The following ARHGEF38 variants were observed in gnomAD, a reference collection of about 807,000 sequenced individuals.
The protein encoded by ARHGEF38 is Rho guanine nucleotide exchange factor (GEF) 38.
Under a neutral mutation model 79.9 loss-of-function variants are expected in ARHGEF38, and 79 were observed. The observed-to-expected ratio is 0.99, with a 90% CI of 0.82 to 1.19. The LOEUF (loss-of-function observed/expected upper bound fraction) is 1.19. ARHGEF38 is among the 50% of genes most tolerant of loss of function. The pLI is 0.00. For synonymous variants in ARHGEF38, 366 were observed against 328.3 expected, an observed-to-expected ratio of 1.11 and a Z score of -1.24; for missense variants, 962 against 907.2, an observed-to-expected ratio of 1.06 and a Z score of -0.78.
chr4:105,596,161 G>C (rs1727568861), intron 2 of ARHGEF38, among the ~76,000 whole-genome samples: 1 of 152,190 alleles, frequency 6.6e-6, no homozygotes, highest in South Asian at 2.1e-4. Context: ...TGTCAGGATG[G>C]TGGGGAGTAT....
At chr4:105,597,173 CA>C (rs1224603193) in intron 2 of ARHGEF38, among the ~76,000 whole-genome samples, 2 of 151,918 alleles carry the variant, frequency 1.3e-5, no homozygotes, top group African/African-American at 4.8e-5. Flanking sequence ...AGGACCAAGG[CA>C]AAAATATTTT....
rs189458754 is a variant in ARHGEF38, at chr4:105,589,537, C to G, written c.384+102C>G. The G allele has an allele frequency of 5.7e-6, 6 of 1,047,706 alleles. No individual in the cohort carries two copies. In the African/African-American group the frequency reaches 8.1e-5, roughly 14 times the overall value. 64.9% of individuals were successfully genotyped at this position (1,047,706 alleles called of 1,614,324 possible). A position where few individuals can be genotyped will look rare whatever the true frequency, so the allele number is the denominator to read the frequency against. On this transcript the variant is annotated intron_variant, in intron 2 of 13. Transcript: ENST00000420470. Reference sequence around the variant, plus strand: ...CAGGTGTATCAATGGGATGATGTGCCTTTCTCCCCAAAACAGCACTGTTCT... The same window carrying G: ...CAGGTGTATCAATGGGATGATGTGCGTTTCTCCCCAAAACAGCACTGTTCT...
At chr4:105,561,439 A>AATG (rs1560684419) in intron 1 of ARHGEF38, among the ~76,000 whole-genome samples, 42 of 44,664 alleles carry the variant, frequency 9.4e-4, no homozygotes, top group African/African-American at 1.8e-3. Flanking sequence ...AGAATAGAAT[A>AATG]GAATAGAATG....
chr4:105,648,844 C>CTT (rs1236129273), intron 7 of ARHGEF38, among the ~76,000 whole-genome samples, 162 bp downstream of exon 7: 3 of 150,210 alleles, frequency 2.0e-5, no homozygotes, highest in African/African-American at 7.5e-5. Context: ...CTCTCTCTCT[C>CTT]TCTTTCTCTC....
chr4:105,594,058 A>G (rs1371158044), intron 2 of ARHGEF38, among the ~76,000 whole-genome samples: 1 of 152,106 alleles, frequency 6.6e-6, no homozygotes, highest in Admixed American at 6.5e-5. Context: ...TGCCTTCCTC[A>G]TTGTGGACTT....
chr4:105,590,848 T>G (rs2110460049), intron 2 of ARHGEF38, among the ~76,000 whole-genome samples: 1 of 152,322 alleles, frequency 6.6e-6, no homozygotes, highest in South Asian at 2.1e-4. Flanking sequence ...TTTTGATTCC[T>G]TCTGATAAAT....
chr4:105,571,346 G>C (rs1236809194), intron 1 of ARHGEF38, among the ~76,000 whole-genome samples: 1 of 136,814 alleles, frequency 7.3e-6, no homozygotes, highest in Admixed American at 7.7e-5. Context: ...TTTTTGAGAC[G>C]GAGTCTCACT....
chr4:105,639,676 C>T (rs1729541700), intron 5 of ARHGEF38, among the ~76,000 whole-genome samples: 1 of 152,078 alleles, frequency 6.6e-6, no homozygotes, highest in African/African-American at 2.4e-5. Flanking sequence ...ACCATGTACT[C>T]TATTTCTATA....
intron 3 of ARHGEF38, among the ~76,000 whole-genome samples, chr4:105,614,155 A>C (rs1410615388): frequency 6.6e-6 from 1 of 152,190 alleles, no homozygotes; most frequent in Non-Finnish European, 1.5e-5. Flanking sequence ...GGGAATTTCC[A>C]AGGGAATATG....
chr4:105,553,005 C>A, intron 1 of ARHGEF38, 44 bp downstream of exon 1: 1 of 1,466,976 alleles, frequency 6.8e-7, no homozygotes, highest in South Asian at 1.3e-5. Context: ...GCACTCCCAG[C>A]TCCATTTCTG....
intron 4 of ARHGEF38, among the ~76,000 whole-genome samples, chr4:105,634,244 A>T (rs1298272558): frequency 6.6e-6 from 1 of 152,156 alleles, no homozygotes; most frequent in African/African-American, 2.4e-5. Context: ...CTTTCCCTGA[A>T]GCAGGTGGGT....
rs1338257629 is a variant in ARHGEF38, at chr4:105,680,850, T to C, written c.*2913T>C. 1 of 152,220 alleles carries C rather than the reference T, an allele frequency of 6.6e-6. No homozygotes were observed. The highest frequency in any genetic ancestry group is 2.4e-5 in the African/African-American group (1 of 41,464). The allele number at this position is 152,220 out of a possible 1,614,324, so 9.4% of individuals were successfully genotyped here. ...AACTCTATGTAGCACGTATTTTCCATGATGGGATAAATGTTTTCATTTCAA... is the reference window on the plus strand; with the variant it reads ...AACTCTATGTAGCACGTATTTTCCACGATGGGATAAATGTTTTCATTTCAA... On this transcript the variant is annotated 3_prime_UTR_variant, in exon 14 of 14. Coordinates refer to ENST00000420470, the MANE Select transcript of ARHGEF38 (RefSeq NM_001242729.2).
At chr4:105,662,308 C>T (rs1730591938) in intron 10 of ARHGEF38, among the ~76,000 whole-genome samples, 1 of 151,964 alleles carries the variant, frequency 6.6e-6, no homozygotes, top group South Asian at 2.1e-4. Flanking sequence ...GGAGATGAGC[C>T]TTTTGTTGAG....
chr4:105,619,752 C>T (rs752810706), intron 3 of ARHGEF38, among the ~76,000 whole-genome samples: 4 of 152,084 alleles, frequency 2.6e-5, no homozygotes, highest in Admixed American at 6.6e-5. Flanking sequence ...AGCATAGTGC[C>T]GAGAAGGCCT....
At chr4:105,584,470 G>A (rs921594753) in intron 1 of ARHGEF38, among the ~76,000 whole-genome samples, 31 of 152,226 alleles carry the variant, frequency 2.0e-4, no homozygotes, top group African/African-American at 6.0e-4. Context: ...CTTTACTAAC[G>A]TTATCCTTAA....
intron 2 of ARHGEF38, 91 bp downstream of exon 2, chr4:105,589,526 G>T: frequency 8.7e-7 from 1 of 1,148,998 alleles, no homozygotes; most frequent in Non-Finnish European, 1.2e-6. Flanking sequence ...TGTATCAATG[G>T]GATGATGTGC....
chr4:105,677,331 TA>T, intron 13 of ARHGEF38, among the ~76,000 whole-genome samples: 1 of 152,212 alleles, frequency 6.6e-6, no homozygotes, highest in African/African-American at 2.4e-5. Flanking sequence ...TTTCTCTTGC[TA>T]AACTTATAGT....
At chr4:105,675,709 T>C (rs1387563958) in intron 13 of ARHGEF38, among the ~76,000 whole-genome samples, 5 of 152,196 alleles carry the variant, frequency 3.3e-5, no homozygotes, top group Non-Finnish European at 7.3e-5. Context: ...AATTTATTTC[T>C]CACAGTTGTG....
chr4:105,588,401 A>G (rs1297051101), intron 1 of ARHGEF38, among the ~76,000 whole-genome samples: 4 of 152,226 alleles, frequency 2.6e-5, no homozygotes, highest in Admixed American at 2.6e-4. Context: ...TTACATACAC[A>G]GACTCACACA....
Sources: allele counts gnomAD v4.1 joint callset (sites outside exome capture counted in the v4.1 genomes callset), GRCh38; gene constraint gnomAD v4.1.1; transcripts MANE v1.5; gene names NCBI Gene and HGNC (gene_info 2026-07-23, HGNC 2026-07-21).